The following SNTG1 variants were observed in gnomAD, a reference collection of about 807,000 sequenced individuals.
SNTG1 encodes gamma-1-syntrophin.
A neutral mutation model predicts 74.7 loss-of-function variants in SNTG1; 39 were observed. That is an observed-to-expected ratio of 0.52 (90% CI 0.40 to 0.68). The LOEUF (loss-of-function observed/expected upper bound fraction) is 0.68. Ranked by LOEUF, SNTG1 falls within the 30% of genes least tolerant of loss-of-function variation. The pLI is 0.00. For synonymous variants in SNTG1, 254 were observed against 217.1 expected (o/e 1.17, Z -1.49); for missense variants, 685 against 609.5 (o/e 1.12, Z -1.30).
intron 1 of SNTG1, among the ~76,000 whole-genome samples, chr8:50,010,909 G>A (rs1056538860): frequency 6.7e-5 from 10 of 149,450 alleles, no homozygotes; most frequent in Middle Eastern, 3.5e-3. Flanking sequence ...TATATTTTAC[G>A]TCTTCATATC....
intron 1 of SNTG1, among the ~76,000 whole-genome samples, chr8:49,979,251 A>C (rs62501377): frequency 0.015 from 2,320 of 152,214 alleles, 31 homozygotes; most frequent in Non-Finnish European, 0.025. Flanking sequence ...CCTGGGACTG[A>C]GTGTCCTCCT....
intron 2 of SNTG1, among the ~76,000 whole-genome samples, chr8:50,209,569 T>A (rs2084412114): frequency 6.6e-6 from 1 of 152,178 alleles, no homozygotes; most frequent in Non-Finnish European, 1.5e-5. Flanking sequence ...CTGCAAGATT[T>A]GCTGCTCTGC....
chr8:50,755,661 GT>G (rs770953084), intron 18 of SNTG1, among the ~76,000 whole-genome samples: 38 of 151,788 alleles, frequency 2.5e-4, no homozygotes, highest in African/African-American at 9.2e-4. Flanking sequence ...ACAGTGTTTA[GT>G]TTTTTTAAAA....
intron 8 of SNTG1, among the ~76,000 whole-genome samples, chr8:50,466,234 CTT>C (rs968930002): frequency 6.8e-4 from 103 of 152,004 alleles, no homozygotes; most frequent in African/African-American, 2.1e-3. Flanking sequence ...AGGGGTAACA[CTT>C]ATATTTAATT....
intron 9 of SNTG1, among the ~76,000 whole-genome samples, chr8:50,517,523 G>T (rs186059874): frequency 6.8e-4 from 102 of 151,002 alleles, no homozygotes; most frequent in Non-Finnish European, 8.1e-4. Flanking sequence ...AAGAACCACT[G>T]GTGTGCTGTA....
At chr8:50,456,076 A>T (rs917809969) in intron 8 of SNTG1, among the ~76,000 whole-genome samples, 5 of 152,236 alleles carry the variant, frequency 3.3e-5, no homozygotes, top group African/African-American at 1.2e-4. Flanking sequence ...TTTGAAAAGA[A>T]ATAAAATATC....
intron 2 of SNTG1, among the ~76,000 whole-genome samples, chr8:50,367,455 T>C (rs2092146302): frequency 6.6e-6 from 1 of 152,146 alleles, no homozygotes; most frequent in African/African-American, 2.4e-5. Context: ...ATTTTAACCC[T>C]GCATATAAAA....
At chr8:50,680,720 G>A (rs563575566) in intron 15 of SNTG1, among the ~76,000 whole-genome samples, 13 of 152,128 alleles carry the variant, frequency 8.5e-5, no homozygotes, top group East Asian at 3.9e-4. Flanking sequence ...GTCCTCAAGC[G>A]CAACATCCTA....
chr8:50,651,164 T>C (rs1302772930), intron 13 of SNTG1, among the ~76,000 whole-genome samples: 2 of 152,186 alleles, frequency 1.3e-5, no homozygotes, highest in Admixed American at 1.3e-4. Context: ...TTTTTTGTTT[T>C]GTTGAATACC....
At chr8:50,203,986 C>A (rs957318692) in intron 2 of SNTG1, among the ~76,000 whole-genome samples, 7 of 151,994 alleles carry the variant, frequency 4.6e-5, no homozygotes, top group African/African-American at 1.7e-4. Context: ...CTTTTGTGAC[C>A]TGTCAGTTTT....
intron 5 of SNTG1, among the ~76,000 whole-genome samples, chr8:50,440,160 A>T (rs1402841393): frequency 6.6e-6 from 1 of 151,798 alleles, no homozygotes; most frequent in Non-Finnish European, 1.5e-5. Context: ...TATTGACCAA[A>T]AAGTGGTATT....
chr8:50,588,487 T>C (rs1181878504), intron 12 of SNTG1, among the ~76,000 whole-genome samples: 2 of 152,164 alleles, frequency 1.3e-5, no homozygotes, highest in Admixed American at 1.3e-4. Context: ...TAGTTAAGTG[T>C]ATATTTCCAC....
chr8:50,148,185 A>G (rs989236690), intron 1 of SNTG1, among the ~76,000 whole-genome samples: 1 of 152,134 alleles, frequency 6.6e-6, no homozygotes, highest in African/African-American at 2.4e-5. Flanking sequence ...AAATAAACAT[A>G]CATGAATATG....
intron 15 of SNTG1, among the ~76,000 whole-genome samples, chr8:50,689,036 A>C (rs1197881248): frequency 6.7e-6 from 1 of 149,576 alleles, no homozygotes; most frequent in African/African-American, 2.5e-5. Context: ...ATGGGAATTC[A>C]CTTATGATTT....
At chr8:50,593,546 A>C (rs12334955) in intron 13 of SNTG1, among the ~76,000 whole-genome samples, 23,247 of 151,894 alleles carry the variant, frequency 0.15, 4,648 homozygotes, top group African/African-American at 0.46. Context: ...TGAAAAAAAA[A>C]CCTACATTTA....
chr8:50,302,252 C>T lies in SNTG1; in HGVS notation c.-27-91960C>T, dbSNP rs149629469. ...TCTGCATGTGTAAGGCATCCTGCCC[C>T]ACTAAGGGTTCAGTTAGCTGGGCCC... is the stretch of plus-strand genomic sequence containing the variant. On this transcript the variant is annotated intron_variant, in intron 2 of 18. Transcript: ENST00000642720. 1.2e-3 allele frequency among the ~76,000 whole-genome samples: 184 copies of T among 152,246 alleles called. 2 individuals carry two copies. Among genetic ancestry groups the T allele is most frequent in the African/African-American group, 4.2e-3 (176 of 41,542 alleles).
intron 12 of SNTG1, among the ~76,000 whole-genome samples, chr8:50,568,582 A>AT (rs765042094): frequency 1.3e-5 from 2 of 152,018 alleles, no homozygotes; most frequent in African/African-American, 4.8e-5. Flanking sequence ...TTCTCTGATG[A>AT]TTAGTAATGG....
intron 1 of SNTG1, among the ~76,000 whole-genome samples, chr8:49,998,587 GACACACAC>G (rs56162374): frequency 2.3e-4 from 32 of 136,918 alleles, no homozygotes; most frequent in African/African-American, 6.0e-4. Flanking sequence ...TAAAAATTAA[GACACACAC>G]ACACACACAC....
intron 1 of SNTG1, among the ~76,000 whole-genome samples, chr8:50,096,226 T>C (rs574198258): frequency 1.3e-5 from 2 of 152,308 alleles, no homozygotes; most frequent in East Asian, 3.9e-4. Context: ...CTTGACAGTA[T>C]TGAATTTGAG....
Sources: gnomAD v4.1 joint callset for allele counts (sites outside exome capture counted in the v4.1 genomes callset) on GRCh38, gnomAD v4.1.1 for gene constraint, MANE v1.5 for transcripts, NCBI Gene and HGNC (gene_info 2026-07-23, HGNC 2026-07-21) for gene names.